Variants in DNAAF11 observed in about 807,000 individuals in gnomAD.
The protein encoded by DNAAF11 is leucine rich repeat containing 6.
Under a neutral mutation model 60.8 loss-of-function variants are expected in DNAAF11, and 45 were observed. The ratio of observed to expected loss-of-function variants is 0.74; its 90% CI spans 0.58 to 0.95. The LOEUF (loss-of-function observed/expected upper bound fraction) is 0.95, where lower values mean the gene tolerates loss of function less well. Ranked by LOEUF, DNAAF11 falls within the 40% of genes least tolerant of loss-of-function variation. The pLI is 0.00. For synonymous variants in DNAAF11, 191 were observed against 183.5 expected (o/e 1.04, Z -0.33); for missense variants, 546 against 546.2 (o/e 1.00, Z 0.00).
intron 7 of DNAAF11, among the ~76,000 whole-genome samples, chr8:132,620,464 G>T (rs1019265366): frequency 6.6e-6 from 1 of 152,074 alleles, no homozygotes; most frequent in African/African-American, 2.4e-5. Context: ...CCTTCCGAGT[G>T]GCTGGGATTA....
intron 1 of DNAAF11, among the ~76,000 whole-genome samples, chr8:132,673,234 T>C (rs1299279739): frequency 6.6e-6 from 1 of 152,156 alleles, no homozygotes; most frequent in Non-Finnish European, 1.5e-5. Context: ...CCCTGATAGT[T>C]ACTGTGTGAT....
At chr8:132,657,645 C>T (rs1231458217) in intron 2 of DNAAF11, among the ~76,000 whole-genome samples, 2 of 152,164 alleles carry the variant, frequency 1.3e-5, no homozygotes, top group African/African-American at 4.8e-5. Context: ...ACAGGCAAAA[C>T]AACAAGCATA....
At chr8:132,614,049 G>A (rs937844075) in intron 8 of DNAAF11, among the ~76,000 whole-genome samples, 1 of 152,218 alleles carries the variant, frequency 6.6e-6, no homozygotes, top group Non-Finnish European at 1.5e-5. Flanking sequence ...GAGATGTAGA[G>A]AGGAAAGAAC....
chr8:132,608,741 T>C (rs1393597113), intron 10 of DNAAF11, among the ~76,000 whole-genome samples: 3 of 152,238 alleles, frequency 2.0e-5, no homozygotes, highest in Non-Finnish European at 4.4e-5. Flanking sequence ...GATTTCCCTA[T>C]AGAATATTCT....
chr8:132,691,589 C>T, the DNAAF11 span, among the ~76,000 whole-genome samples: 1 of 152,150 alleles, frequency 6.6e-6, no homozygotes, highest in Non-Finnish European at 1.5e-5. Context: ...CTGGGGAGGC[C>T]TCAGGAAACT....
At chr8:132,581,215 A>C (rs1052664449) in intron 11 of DNAAF11, among the ~76,000 whole-genome samples, 5 of 152,236 alleles carry the variant, frequency 3.3e-5, no homozygotes, top group African/African-American at 1.2e-4. Context: ...AACATAAAGG[A>C]CTACTTTTAT....
intron 7 of DNAAF11, among the ~76,000 whole-genome samples, chr8:132,616,237 G>A (rs545336374): frequency 1.3e-5 from 2 of 152,118 alleles, no homozygotes; most frequent in Non-Finnish European, 2.9e-5. Flanking sequence ...TTGCAGGTGG[G>A]TGAGGTCATG....
intron 9 of DNAAF11, among the ~76,000 whole-genome samples, chr8:132,610,981 G>A (rs536467627): frequency 6.6e-6 from 1 of 152,136 alleles, no homozygotes; most frequent in South Asian, 2.1e-4. Flanking sequence ...TGCAACCTCC[G>A]CCTCCCAGGT....
At chr8:132,593,815 T>A (rs969107635) in intron 10 of DNAAF11, among the ~76,000 whole-genome samples, 7 of 152,012 alleles carry the variant, frequency 4.6e-5, no homozygotes, top group African/African-American at 1.7e-4. Flanking sequence ...GTAAAATCTT[T>A]TGGGCCAGAT....
intron 3 of DNAAF11, 106 bp from the exon 4 acceptor site, chr8:132,638,213 G>T: frequency 1.2e-6 from 1 of 820,444 alleles, no homozygotes; most frequent in Non-Finnish European, 2.0e-6. Context: ...AGTATTTTCA[G>T]TCTGCTGATT....
At chr8:132,650,062 T>C (rs1237930561) in intron 3 of DNAAF11, among the ~76,000 whole-genome samples, 2 of 152,184 alleles carry the variant, frequency 1.3e-5, no homozygotes, top group Non-Finnish European at 2.9e-5. Flanking sequence ...TAAAGACACA[T>C]GCATACGTAT....
intron 7 of DNAAF11, among the ~76,000 whole-genome samples, chr8:132,619,377 A>C (rs1819530402): frequency 6.6e-6 from 1 of 152,190 alleles, no homozygotes; most frequent in Non-Finnish European, 1.5e-5. Flanking sequence ...GCAGCGCACC[A>C]GCATGGCACA....
intron 10 of DNAAF11, among the ~76,000 whole-genome samples, chr8:132,602,578 C>T (rs998268692): frequency 3.3e-5 from 5 of 151,920 alleles, no homozygotes; most frequent in Non-Finnish European, 7.4e-5. Context: ...CTGTTTCTAA[C>T]AATTTAATGC....
At chr8:132,689,734 C>T in the DNAAF11 span, among the ~76,000 whole-genome samples, 1 of 151,066 alleles carries the variant, frequency 6.6e-6, no homozygotes, top group Non-Finnish European at 1.5e-5. Context: ...TATATATATA[C>T]AGAGAGAGAG....
At chr8:132,643,034 C>T (rs1200854525) in intron 3 of DNAAF11, among the ~76,000 whole-genome samples, 1 of 152,172 alleles carries the variant, frequency 6.6e-6, no homozygotes, top group Non-Finnish European at 1.5e-5. Flanking sequence ...AACCTACATC[C>T]CTCGCAAGAT....
intron 3 of DNAAF11, among the ~76,000 whole-genome samples, chr8:132,655,393 C>A (rs1343934360): frequency 2.0e-5 from 3 of 151,976 alleles, no homozygotes; most frequent in Non-Finnish European, 4.4e-5. Flanking sequence ...CTTCTCAATT[C>A]ATTCTATAAA....
chr8:132,679,204 C>A (rs992823015), upstream of DNAAF11, among the ~76,000 whole-genome samples: 4 of 152,226 alleles, frequency 2.6e-5, no homozygotes, highest in Admixed American at 6.5e-5. Flanking sequence ...CTGAGAGCTA[C>A]TCGAGGGCAG....
intron 7 of DNAAF11, among the ~76,000 whole-genome samples, chr8:132,619,710 T>C (rs1586601779): frequency 6.6e-6 from 1 of 152,196 alleles, no homozygotes; most frequent in African/African-American, 2.4e-5. Flanking sequence ...AGGGAGGTTG[T>C]TGCTTTAATT....
the DNAAF11 span, among the ~76,000 whole-genome samples, chr8:132,691,121 G>A: frequency 6.8e-6 from 1 of 147,202 alleles, no homozygotes; most frequent in Non-Finnish European, 1.5e-5. Context: ...TAGATTATTT[G>A]AACTTCTTCT....
Sources: gnomAD v4.1 joint callset for allele counts (sites outside exome capture counted in the v4.1 genomes callset) on GRCh38, gnomAD v4.1.1 for gene constraint, MANE v1.5 for transcripts, NCBI Gene and HGNC (gene_info 2026-07-23, HGNC 2026-07-21) for gene names.